Variants in RASGEF1C observed in about 807,000 individuals in gnomAD.
The protein encoded by RASGEF1C is RasGEF domain family member 1C.
Under a neutral mutation model 58.1 loss-of-function variants are expected in RASGEF1C, and 27 were observed. That is an observed-to-expected ratio of 0.46 (90% CI 0.34 to 0.64). The LOEUF (loss-of-function observed/expected upper bound fraction) is 0.64, where lower values mean the gene tolerates loss of function less well. Ranked by LOEUF, RASGEF1C falls within the 30% of genes least tolerant of loss-of-function variation. The pLI is 0.01. For missense variants in RASGEF1C, 502 were observed against 605.1 expected (o/e 0.83, Z 1.79); for synonymous variants, 243 against 246.3 (o/e 0.99, Z 0.13).
In RASGEF1C at chr5:180,177,960, T is replaced by C. The variant is rs1382309193; in HGVS notation, c.-7+31068A>G. 1.3e-5 allele frequency among the ~76,000 whole-genome samples: 2 copies of C among 151,360 alleles called. No individual in the cohort carries two copies. Among genetic ancestry groups the C allele is most frequent in the East Asian group, 3.9e-4 (2 of 5,172 alleles). ...CATCCAGCCATGCCTGAAGCCCACC[T>C]TGGGCTTTTTTTTTTTTTCTTTTTG... On this transcript the variant is annotated intron_variant, in intron 1 of 13. Coordinates refer to ENST00000361132, the MANE Select transcript of RASGEF1C (RefSeq NM_175062.4). This position sits in a 1 kb window ranked among gnomAD's most constrained non-coding sequence, Gnocchi z 5.0.
intron 6 of RASGEF1C, 136 bp downstream of exon 6, chr5:180,127,473 G>C: frequency 2.8e-6 from 2 of 718,612 alleles, no homozygotes; most frequent in Non-Finnish European, 4.3e-6. Flanking sequence ...TGGCGGAGTG[G>C]GCAGGGCCCC....
Position 180,137,665 on chromosome 5 carries a change from C to G in RASGEF1C, c.225G>C (p.Glu75Asp). ...AGACCCGGGCCAGGAGCTCCCGGGG[C>G]TCGATGAAGAGGCGAGAGCTCAGCA... The part of the protein sequence containing the change: ...TFLLSSRLFI[E>D]PRELLARVCH... The change falls in exon 3 of 14, where the codon GAG becomes GAC. Residue 75 changes from glutamate to aspartate, a missense_variant. Coordinates refer to ENST00000361132, the MANE Select transcript of RASGEF1C (RefSeq NM_175062.4). This position sits in a 1 kb window ranked among gnomAD's most constrained non-coding sequence, Gnocchi z 4.1. 2 of 1,612,880 alleles carry G rather than the reference C, an allele frequency of 1.2e-6. No individual in the cohort carries two copies. The highest frequency in any genetic ancestry group is 1.7e-6 in the Non-Finnish European group (2 of 1,180,002).
In RASGEF1C at chr5:180,121,104, A is replaced by G. The variant is rs780284741; in HGVS notation, c.760T>C (p.Trp254Arg). 6.2e-7 allele frequency: 1 copy of G among 1,614,112 alleles called. No individual in the cohort carries two copies. The highest frequency in any genetic ancestry group is 1.3e-5 in the African/African-American group (1 of 75,040). Residue 254 changes from tryptophan (W) to arginine (R), a missense_variant, in exon 7 of 14, where the codon TGG becomes CGG. Coordinates refer to ENST00000361132, the MANE Select transcript of RASGEF1C (RefSeq NM_175062.4). ...KTSNLEAYVKWFNRLCYLVAT... is the reference protein window; with the variant it reads ...KTSNLEAYVKRFNRLCYLVAT... The stretch of plus-strand genomic sequence containing the variant: ...ACCAGGTAGCACAGCCTGTTGAACC[A>G]TTTCACATAAGCCTCCAGGTTGCTG...
chr5:180,108,977 A>G (rs1765912283), intron 12 of RASGEF1C, among the ~76,000 whole-genome samples: 1 of 152,182 alleles, frequency 6.6e-6, no homozygotes, highest in Non-Finnish European at 1.5e-5. Flanking sequence ...TAACTGCTAG[A>G]TTGTTGCCTG....
chr5:180,127,791 A>G (rs1582270272), intron 5 of RASGEF1C, 108 bp from the exon 6 acceptor site: 1 of 965,852 alleles, frequency 1.0e-6, no homozygotes, highest in East Asian at 2.7e-5. Flanking sequence ...CACAACAGTC[A>G]CTCTGCAACT....
At position 180,107,081 on chromosome 5, in the gene RASGEF1C, C is replaced by T. The variant is rs117920057; in HGVS notation, c.1303+4376G>A. ...GCTTTATCTGAAATTAATATTGCTACTCTTGCTTTCCTCTAATTAATATTA... is the reference window on the plus strand; with the variant it reads ...GCTTTATCTGAAATTAATATTGCTATTCTTGCTTTCCTCTAATTAATATTA... On this transcript the variant is annotated intron_variant, in intron 12 of 13. Coordinates refer to ENST00000361132, the MANE Select transcript of RASGEF1C (RefSeq NM_175062.4). Among the ~76,000 whole-genome samples the T allele has an allele frequency of 1.1e-3, 174 of 152,214 alleles. 4 individuals are homozygous for T. The East Asian group carries it at 0.018, about 16-fold the overall frequency.
intron 1 of RASGEF1C, among the ~76,000 whole-genome samples, chr5:180,166,515 C>A (rs796951070): frequency 7.3e-6 from 1 of 137,926 alleles, no homozygotes; most frequent in South Asian, 2.3e-4. Flanking sequence ...AAGAATTTTT[C>A]TTTTTTTTTT....
At position 180,145,695 on chromosome 5, in the gene RASGEF1C, C is replaced by T. The variant is rs942399664; in HGVS notation, c.-6-7637G>A. 1.2e-4 allele frequency among the ~76,000 whole-genome samples: 18 copies of T among 152,116 alleles called. No homozygotes were observed. In the East Asian group the frequency reaches 1.5e-3, roughly 13 times the overall value. Reference sequence around the variant, plus strand: ...AAAATTTAATTCATAGAATTGGTTCCGTGACAGGATGTAATTACCCCACCC... The same window carrying T: ...AAAATTTAATTCATAGAATTGGTTCTGTGACAGGATGTAATTACCCCACCC... On this transcript the variant is annotated intron_variant, in intron 1 of 13. Transcript: ENST00000361132.
chr5:180,126,485 C>T (rs1163851063), intron 6 of RASGEF1C, among the ~76,000 whole-genome samples: 1 of 152,190 alleles, frequency 6.6e-6, no homozygotes, highest in Non-Finnish European at 1.5e-5. Context: ...AGTCAGCATT[C>T]CTAGAGAGTG....
rs113881439 is a variant in RASGEF1C at position 180,134,494 on chromosome 5, C to T, written c.438+1884G>A. On this transcript the variant is annotated intron_variant, in intron 4 of 13. Transcript: ENST00000361132. ...CCCTTGGTGGTCAAAGAGAACAAAA[C>T]AGGAGACTGGGGTCTCACCCCCTGT... 2.3e-3 allele frequency among the ~76,000 whole-genome samples: 354 copies of T among 151,906 alleles called. 2 individuals are homozygous for T. The highest frequency in any genetic ancestry group is 4.4e-3 in the Non-Finnish European group (299 of 67,910).
intron 1 of RASGEF1C, among the ~76,000 whole-genome samples, chr5:180,159,834 AGG>A (rs1766909198): frequency 6.6e-6 from 1 of 152,194 alleles, no homozygotes; most frequent in African/African-American, 2.4e-5. Context: ...AGGTTTCAGG[AGG>A]GGCCAAGTGT....
chr5:180,114,303 G>T, intron 11 of RASGEF1C, 143 bp downstream of exon 11: 1 of 667,684 alleles, frequency 1.5e-6, no homozygotes. Flanking sequence ...GGAGGACCCT[G>T]ATAACCTTGC....
At chr5:180,125,363 T>C (rs970197414) in intron 6 of RASGEF1C, among the ~76,000 whole-genome samples, 2 of 152,220 alleles carry the variant, frequency 1.3e-5, no homozygotes, top group African/African-American at 4.8e-5. Flanking sequence ...CAAGAAATCC[T>C]GTAGCAAACA....
intron 10 of RASGEF1C, among the ~76,000 whole-genome samples, chr5:180,116,072 G>A (rs901760824): frequency 6.6e-6 from 1 of 152,226 alleles, no homozygotes; most frequent in South Asian, 2.1e-4. Flanking sequence ...CAGTGGCATT[G>A]AGCTGGTCCT....
At chr5:180,140,892 A>G (rs1766567289) in intron 1 of RASGEF1C, among the ~76,000 whole-genome samples, 1 of 152,250 alleles carries the variant, frequency 6.6e-6, no homozygotes. Context: ...ATGGGAGTAT[A>G]TGCTTAGGTG....
At chr5:180,102,503 G>A (rs899001436) in intron 12 of RASGEF1C, among the ~76,000 whole-genome samples, 2 of 152,150 alleles carry the variant, frequency 1.3e-5, no homozygotes, top group Admixed American at 1.3e-4. Context: ...GCTTTTCCCT[G>A]CTAAAAGCTG....
chr5:180,130,920 C>T (rs577302687), intron 4 of RASGEF1C, among the ~76,000 whole-genome samples: 8 of 152,250 alleles, frequency 5.3e-5, no homozygotes, highest in African/African-American at 1.9e-4. Flanking sequence ...GCTGGTATTC[C>T]CAGTGTTGGT....
chr5:180,144,211 A>G (rs1581106179), intron 1 of RASGEF1C, among the ~76,000 whole-genome samples: 1 of 152,188 alleles, frequency 6.6e-6, no homozygotes, highest in Non-Finnish European at 1.5e-5. Context: ...TGCCAACTGC[A>G]CCGCCATGGT....
chr5:180,122,386 T>G (rs908700791), intron 6 of RASGEF1C, among the ~76,000 whole-genome samples: 1 of 152,226 alleles, frequency 6.6e-6, no homozygotes, highest in Non-Finnish European at 1.5e-5. Flanking sequence ...ATTTAGAACT[T>G]TCCACTGTAT....
Sources: allele counts gnomAD v4.1 joint callset (sites outside exome capture counted in the v4.1 genomes callset), GRCh38; gene constraint gnomAD v4.1.1; non-coding constraint Gnocchi (gnomAD v3.1); transcripts MANE v1.5; gene names NCBI Gene and HGNC (gene_info 2026-07-23, HGNC 2026-07-21).